TNS3: variants seen among roughly 807,000 people sequenced by gnomAD.
TNS3 encodes tensin-3.
Under a neutral mutation model 140.9 loss-of-function variants are expected in TNS3, and 45 were observed. That is an observed-to-expected ratio of 0.32 (90% CI 0.25 to 0.41). TNS3 has a LOEUF of 0.41. TNS3 is among the 10% of genes least tolerant of loss of function. The pLI is 1.00. For synonymous variants in TNS3, 815 were observed against 788.4 expected (o/e 1.03, Z -0.56); for missense variants, 1,716 against 1,906.7 (o/e 0.90, Z 1.86).
At chr7:47,465,474 G>A (rs543557361) in intron 4 of TNS3, among the ~76,000 whole-genome samples, 1 of 152,232 alleles carries the variant, frequency 6.6e-6, no homozygotes, top group South Asian at 2.1e-4. Flanking sequence ...GTAGAGACAC[G>A]CGGATCAGAA....
intron 16 of TNS3, among the ~76,000 whole-genome samples, chr7:47,372,606 G>A (rs1029116329): frequency 3.3e-5 from 5 of 152,124 alleles, no homozygotes; most frequent in Admixed American, 1.3e-4. Context: ...AATAATAATA[G>A]ATGCATTAAA....
intron 1 of TNS3, among the ~76,000 whole-genome samples, chr7:47,565,520 T>G (rs1562859874): frequency 6.6e-6 from 1 of 151,266 alleles, no homozygotes; most frequent in Non-Finnish European, 1.5e-5. Context: ...GCGCACACCA[T>G]ATGCCCAGCT....
In TNS3 at chr7:47,391,239, C is replaced by T. The variant is rs559683010; in HGVS notation, c.1024+5561G>A. Among the ~76,000 whole-genome samples, 7 of 152,300 alleles carry T rather than the reference C, an allele frequency of 4.6e-5. 1 individual carries two copies. Among genetic ancestry groups the T allele is most frequent in the Admixed American group, 2.6e-4 (4 of 15,302 alleles). On this transcript the variant is annotated intron_variant, in intron 16 of 30. Transcript: ENST00000311160. Reference sequence around the variant, plus strand: ...TTGTACAGGCAAAGTGGTTGTTTCTCTTCAATTCTTTCCTAATTCCTGGTA... The same window carrying T: ...TTGTACAGGCAAAGTGGTTGTTTCTTTTCAATTCTTTCCTAATTCCTGGTA...
intron 9 of TNS3, among the ~76,000 whole-genome samples, 161 bp from the exon 10 acceptor site, chr7:47,424,345 T>TA (rs1173049365): frequency 6.6e-6 from 1 of 152,236 alleles, no homozygotes; most frequent in Admixed American, 6.5e-5. Context: ...TGTCCCTTGT[T>TA]AGACTTCATT....
intron 27 of TNS3, 23 bp from the exon 28 acceptor site, chr7:47,283,888 CAT>C (rs1562756694): frequency 3.2e-6 from 5 of 1,548,314 alleles, no homozygotes; most frequent in East Asian, 2.3e-5. Flanking sequence ...AAGGGAGACA[CAT>C]GTTAGTTGCA....
rs1018675968 is a variant in TNS3 at position 47,345,099 on chromosome 7, C to G, written c.2452-61G>C. ...GGAGTCAAGTGAAGGCCCCTCCAAACAGTTGTGGTTGTGGCTCCCCCAGGC... is the reference window on the plus strand; with the variant it reads ...GGAGTCAAGTGAAGGCCCCTCCAAAGAGTTGTGGTTGTGGCTCCCCCAGGC... On this transcript the variant is annotated intron_variant, in intron 18 of 30. Transcript: ENST00000311160. The G allele has an allele frequency of 4.3e-5, 60 of 1,395,062 alleles. No homozygotes were observed. The East Asian group carries it at 1.4e-3, about 32-fold the overall frequency. 86.4% of individuals were successfully genotyped at this position (1,395,062 alleles called of 1,614,324 possible).
At chr7:47,416,178 A>C (rs986210321) in intron 10 of TNS3, among the ~76,000 whole-genome samples, 5 of 151,870 alleles carry the variant, frequency 3.3e-5, no homozygotes, top group African/African-American at 1.2e-4. Context: ...ACAATCAAAA[A>C]CTCCGCAATA....
At chr7:47,345,714 G>A (rs1412750941) in intron 18 of TNS3, among the ~76,000 whole-genome samples, 1 of 152,208 alleles carries the variant, frequency 6.6e-6, no homozygotes, top group African/African-American at 2.4e-5. Context: ...ACCTCCTAGG[G>A]AGGTCTCGGA....
chr7:47,514,248 AACCCCATG>A (rs1798705505), intron 2 of TNS3, among the ~76,000 whole-genome samples: 1 of 152,208 alleles, frequency 6.6e-6, no homozygotes, highest in Non-Finnish European at 1.5e-5. Context: ...TTCACTGCTC[AACCCCATG>A]ACCCCATTGT....
At chr7:47,469,064 C>T (rs557595828) in intron 4 of TNS3, among the ~76,000 whole-genome samples, 2 of 152,306 alleles carry the variant, frequency 1.3e-5, no homozygotes, top group East Asian at 3.9e-4. Context: ...AGACCCTTAC[C>T]TTTCACCGTA....
chr7:47,476,224 A>G (rs531371514), intron 4 of TNS3, among the ~76,000 whole-genome samples: 180 of 152,314 alleles, frequency 1.2e-3, no homozygotes, highest in African/African-American at 3.9e-3. Flanking sequence ...TGGAGCCCAG[A>G]AAAGTGAAAG....
chr7:47,476,910 C>T (rs540935968), intron 4 of TNS3, among the ~76,000 whole-genome samples: 5 of 152,366 alleles, frequency 3.3e-5, no homozygotes, highest in South Asian at 2.1e-4. Context: ...TCTAACCTCA[C>T]ATCCCACTTT....
At chr7:47,542,695 C>T (rs764478871) in intron 1 of TNS3, among the ~76,000 whole-genome samples, 11 of 152,032 alleles carry the variant, frequency 7.2e-5, no homozygotes, top group Non-Finnish European at 1.5e-4. Flanking sequence ...CTTTGGGAGG[C>T]TGAGGAGGGC....
At position 47,320,341 on chromosome 7, in the gene TNS3, G is replaced by A. The variant is rs142215623; in HGVS notation, c.2651-15338C>T. On this transcript the variant is annotated intron_variant, in intron 20 of 30. Transcript: ENST00000311160. ...TTTCCCACCTCTAGCTCATTAGCAC[G>A]AACCTCATTCCTTTTCCTTTTCACT... 6.5e-3 allele frequency among the ~76,000 whole-genome samples: 983 copies of A among 152,244 alleles called. 19 individuals carry two copies. Among genetic ancestry groups the A allele is most frequent in the African/African-American group, 0.023 (944 of 41,530 alleles).
intron 17 of TNS3, among the ~76,000 whole-genome samples, chr7:47,351,087 T>C (rs1177840653): frequency 1.3e-5 from 2 of 152,250 alleles, no homozygotes; most frequent in South Asian, 2.1e-4. Context: ...TTTTTAAAAT[T>C]AGGGAAACAA....
intron 2 of TNS3, among the ~76,000 whole-genome samples, chr7:47,511,502 A>G (rs1434118432): frequency 1.5e-5 from 1 of 65,590 alleles, no homozygotes. Flanking sequence ...AATACTCATC[A>G]GTTTCCCATT....
intron 20 of TNS3, 30 bp downstream of exon 20, chr7:47,344,725 G>A (rs773386893): frequency 5.6e-6 from 9 of 1,598,442 alleles, no homozygotes; most frequent in East Asian, 2.2e-5. Context: ...TGAGTGCCGC[G>A]CGCCTGTGAC....
chr7:47,498,828 G>A (rs1798109751), intron 3 of TNS3, among the ~76,000 whole-genome samples: 1 of 152,216 alleles, frequency 6.6e-6, no homozygotes, highest in Non-Finnish European at 1.5e-5. Flanking sequence ...GGCGAACTCA[G>A]TGACTTCCCA....
At chr7:47,432,858 T>G (rs375195548) in intron 8 of TNS3, among the ~76,000 whole-genome samples, 2 of 152,218 alleles carry the variant, frequency 1.3e-5, no homozygotes, top group African/African-American at 4.8e-5. Flanking sequence ...GATAGGCTCA[T>G]GGACTGTTAC....
Sources: gnomAD v4.1 joint callset for allele counts (sites outside exome capture counted in the v4.1 genomes callset) on GRCh38, gnomAD v4.1.1 for gene constraint, MANE v1.5 for transcripts, NCBI Gene and HGNC (gene_info 2026-07-23, HGNC 2026-07-21) for gene names.